Variants in PKIB observed in about 807,000 individuals in gnomAD.
PKIB encodes the protein cAMP-dependent protein kinase inhibitor beta.
Under a neutral mutation model 4.5 loss-of-function variants are expected in PKIB, and 2 were observed. That is an observed-to-expected ratio of 0.44 (90% confidence interval 0.18 to 1.39). PKIB has a LOEUF of 1.39. Among genes scored for constraint, PKIB ranks in the 40% most tolerant of loss-of-function variants. PKIB has a pLI of 0.27. For missense variants in PKIB, 94 were observed against 92.6 expected, an observed-to-expected ratio of 1.02 and a Z score of -0.06; for synonymous variants, 38 against 36.0, an observed-to-expected ratio of 1.06 and a Z score of -0.20.
At chr6:122,709,481 G>A (rs1174537899) in intron 3 of PKIB, among the ~76,000 whole-genome samples, 1 of 132,580 alleles carries the variant, frequency 7.5e-6, no homozygotes, top group Admixed American at 8.2e-5. Context: ...GGGATCAAGT[G>A]GGAGTTTTTT....
chr6:122,599,292 A>G (rs1368127159), intron 3 of PKIB, among the ~76,000 whole-genome samples: 3 of 152,142 alleles, frequency 2.0e-5, no homozygotes, highest in Admixed American at 2.0e-4. Flanking sequence ...AAAAAGGTTC[A>G]TCAGAATTTA....
chr6:122,577,587 G>T (rs936056753), intron 2 of PKIB, among the ~76,000 whole-genome samples: 22 of 152,030 alleles, frequency 1.4e-4, no homozygotes, highest in Non-Finnish European at 8.8e-5. Context: ...AAATAAAATG[G>T]TTTTATCTCA....
At chr6:122,627,975 TG>T (rs1170470431) in intron 1 of PKIB, among the ~76,000 whole-genome samples, 3 of 152,030 alleles carry the variant, frequency 2.0e-5, no homozygotes, top group Admixed American at 6.5e-5. Flanking sequence ...TTGTTATGTA[TG>T]GGATTAACAT....
At chr6:122,682,983 G>A (rs1305695250) in intron 3 of PKIB, among the ~76,000 whole-genome samples, 1 of 152,142 alleles carries the variant, frequency 6.6e-6, no homozygotes, top group Non-Finnish European at 1.5e-5. Context: ...AGGGTCCCCG[G>A]TTGATTGGCC....
intron 2 of PKIB, among the ~76,000 whole-genome samples, chr6:122,553,531 T>A (rs1000599903): frequency 7.1e-6 from 1 of 139,958 alleles, no homozygotes; most frequent in African/African-American, 2.6e-5. Context: ...GACTCTTCGC[T>A]CTCATGAAAT....
At chr6:122,546,501 A>G (rs546858038) in intron 2 of PKIB, among the ~76,000 whole-genome samples, 5 of 152,140 alleles carry the variant, frequency 3.3e-5, no homozygotes, top group Non-Finnish European at 7.3e-5. Context: ...ATGAAACATT[A>G]TGGAGCTATT....
chr6:122,497,762 T>C (rs1776116900), intron 2 of PKIB, among the ~76,000 whole-genome samples: 1 of 152,088 alleles, frequency 6.6e-6, no homozygotes. Context: ...GCAATTATAG[T>C]GGGGGACTTT....
At chr6:122,563,651 G>T (rs1397920489) in intron 2 of PKIB, among the ~76,000 whole-genome samples, 1 of 152,106 alleles carries the variant, frequency 6.6e-6, no homozygotes, top group Non-Finnish European at 1.5e-5. Flanking sequence ...TGCTGTAGGG[G>T]ATAGGAGTGA....
chr6:122,576,689 A>AAATATAT lies in PKIB; in HGVS notation c.-247-9231_-247-9230insATATATA, dbSNP rs1345822382. 5.3e-3 allele frequency among the ~76,000 whole-genome samples: 181 copies of AAATATAT among 34,308 alleles called. 6 individuals carry two copies. The highest frequency in any genetic ancestry group is 9.6e-3 in the African/African-American group (73 of 7,608). 22.5% of individuals were successfully genotyped at this position (34,308 alleles called of 152,430 possible). On this transcript the variant is annotated intron_variant, in intron 2 of 6. Coordinates refer to the PKIB transcript ENST00000392491. ...ATCTCAAAAAAAAAAAAAAAAAAAA[A>AAATATAT]ATATATATATATATATATATATTTT...
Position 122,717,836 on chromosome 6 carries a change from G to A in PKIB, c.42G>A (p.Gly14=). 1.9e-6 allele frequency: 3 copies of A among 1,613,978 alleles called. No individual in the cohort carries two copies. Among genetic ancestry groups the A allele is most frequent in the Non-Finnish European group, 2.5e-6 (3 of 1,179,972 alleles). The part of the protein sequence containing the change: ...DSSKMTDVES[G]VANFASSARA... ...CAAAAATGACTGACGTGGAGTCTGG[G>A]GTCGCCAATTTTGCATCTTCAGCAA... The change falls in exon 4 of 5, where the codon GGG becomes GGA. Residue 14 remains glycine (G), a synonymous_variant. Coordinates refer to ENST00000368452, the MANE Select transcript of PKIB (RefSeq NM_181795.3).
chr6:122,687,772 T>G (rs1411947787), intron 3 of PKIB, among the ~76,000 whole-genome samples: 6 of 152,184 alleles, frequency 3.9e-5, no homozygotes, highest in Admixed American at 1.3e-4. Flanking sequence ...AATCTTGGCA[T>G]AAAGAAATGT....
intron 3 of PKIB, among the ~76,000 whole-genome samples, chr6:122,712,808 A>G (rs1263004223): frequency 1.3e-5 from 2 of 152,196 alleles, no homozygotes; most frequent in Non-Finnish European, 2.9e-5. Context: ...GGCTTCAAGT[A>G]AGGAAGCTTG....
intron 2 of PKIB, among the ~76,000 whole-genome samples, chr6:122,538,618 C>G (rs1232262949): frequency 6.6e-6 from 1 of 152,048 alleles, no homozygotes; most frequent in Non-Finnish European, 1.5e-5. Context: ...AGCATGATGC[C>G]TCCGGCTTTG....
intron 3 of PKIB, among the ~76,000 whole-genome samples, chr6:122,712,329 A>G (rs1779302905): frequency 6.6e-6 from 1 of 152,174 alleles, no homozygotes; most frequent in Non-Finnish European, 1.5e-5. Flanking sequence ...ATAAATAATG[A>G]TCTGTTTTTG....
At chr6:122,633,929 CCTATCTATCTATCTATCTAT>C (rs61254507) in intron 2 of PKIB, among the ~76,000 whole-genome samples, 1 of 145,868 alleles carries the variant, frequency 6.9e-6, no homozygotes, top group African/African-American at 2.6e-5. Context: ...AGATATCTGT[CCTATCTATCTATCTATCTAT>C]CTATCTATCT....
intron 2 of PKIB, among the ~76,000 whole-genome samples, chr6:122,529,423 T>A (rs1459230346): frequency 6.6e-6 from 1 of 152,208 alleles, no homozygotes; most frequent in African/African-American, 2.4e-5. Context: ...TATGACTTTA[T>A]AGCTTTTGAA....
At chr6:122,690,664 C>T (rs149952263) in intron 3 of PKIB, among the ~76,000 whole-genome samples, 1 of 152,098 alleles carries the variant, frequency 6.6e-6, no homozygotes, top group African/African-American at 2.4e-5. Flanking sequence ...ACCTTTTAGT[C>T]TTTCTACTTA....
intron 2 of PKIB, among the ~76,000 whole-genome samples, chr6:122,651,472 T>C (rs1776550700): frequency 6.6e-6 from 1 of 152,222 alleles, no homozygotes; most frequent in Non-Finnish European, 1.5e-5. Flanking sequence ...CAGCCATTAC[T>C]GGTTCTTTAG....
chr6:122,586,575 G>T (rs982001369), intron 3 of PKIB, among the ~76,000 whole-genome samples: 7 of 152,094 alleles, frequency 4.6e-5, no homozygotes, highest in African/African-American at 1.7e-4. Flanking sequence ...ATTAAAAAAT[G>T]GTTATATTTT....
Sources: allele counts gnomAD v4.1 joint callset (sites outside exome capture counted in the v4.1 genomes callset), GRCh38; gene constraint gnomAD v4.1.1; transcripts MANE v1.5; gene names NCBI Gene and HGNC (gene_info 2026-07-23, HGNC 2026-07-21).